Variants in PFN2 observed in about 807,000 individuals in gnomAD.
The protein encoded by PFN2 is profilin-2.
Under a neutral mutation model 15.3 loss-of-function variants are expected in PFN2, and 8 were observed. That is an observed-to-expected ratio of 0.52 (90% CI 0.31 to 0.95). PFN2 has a LOEUF of 0.95. PFN2 is among the 40% of genes least tolerant of loss of function. The pLI is 0.05. For synonymous variants in PFN2, 79 were observed against 67.9 expected (o/e 1.16, Z -0.81); for missense variants, 111 against 182.3 (o/e 0.61, Z 2.25).
At position 149,965,451 on chromosome 3, in the gene PFN2, C is replaced by G; in HGVS notation, c.*1038G>C. On this transcript the variant is annotated 3_prime_UTR_variant, in exon 3 of 3. Transcript: ENST00000239940. ...GAGCTATTGCAATGATGGAATGTCC[C>G]TGGGGATTCAATCAGTATGGTTACT... 6.9e-7 allele frequency: 1 copy of G among 1,440,006 alleles called. No individual in the cohort carries two copies. The highest frequency in any genetic ancestry group is 1.5e-5 in the South Asian group (1 of 65,684). 89.2% of individuals were successfully genotyped at this position (1,440,006 alleles called of 1,614,324 possible).
chr3:149,968,276 CTT>C, intron 2 of PFN2, 80 bp downstream of exon 2: 1 of 1,331,260 alleles, frequency 7.5e-7, no homozygotes. Flanking sequence ...TATGGACTAA[CTT>C]TTATTCAAAA....
chr3:149,965,104 AT>A lies in PFN2; in HGVS notation c.*1384del. On this transcript the variant is annotated 3_prime_UTR_variant, in exon 3 of 3. Coordinates refer to ENST00000239940, the MANE Select transcript of PFN2 (RefSeq NM_053024.4). ...CACAAGGCCCAAACAATAGAAGCAA[AT>A]ACTAGAATGTCCCTAAAGTAGTGCC... 1.4e-6 allele frequency: 1 copy of A among 737,428 alleles called. No homozygotes were observed. The highest frequency in any genetic ancestry group is 2.1e-6 in the Non-Finnish European group (1 of 473,906). 45.7% of individuals were successfully genotyped at this position (737,428 alleles called of 1,614,324 possible).
chr3:149,966,262 A>G lies in PFN2; in HGVS notation c.*227T>C, dbSNP rs771445415. 1.2e-6 allele frequency: 2 copies of G among 1,612,890 alleles called. No individual in the cohort carries two copies. The highest frequency in any genetic ancestry group is 2.7e-5 in the African/African-American group (2 of 74,812). ...CCTTCCTTTCCCATGACTATAACCA[A>G]TGCTGGAGTACACAAGGAAACAAAA... is the stretch of plus-strand genomic sequence containing the variant. On this transcript the variant is annotated 3_prime_UTR_variant, in exon 3 of 3. Transcript: ENST00000239940.
In PFN2 at chr3:149,970,873, CT is replaced by C. The variant is rs1235676658; in HGVS notation, c.-18del. ...ACCGGCCATCTTCGAGCCCTTCGCA[CT>C]GCAGCGCGGACGGCGAGGAGCAGCA... On this transcript the variant is annotated 5_prime_UTR_variant, in exon 1 of 3. Coordinates refer to ENST00000239940, the MANE Select transcript of PFN2 (RefSeq NM_053024.4). 12 of 1,351,094 alleles carry C rather than the reference CT, an allele frequency of 8.9e-6. No individual in the cohort carries two copies. The highest frequency in any genetic ancestry group is 1.1e-5 in the Non-Finnish European group (11 of 1,033,244). The allele number at this position is 1,351,094 out of a possible 1,614,324, so 83.7% of individuals were successfully genotyped here.
At chr3:149,969,515 T>C (rs547116330) in intron 1 of PFN2, among the ~76,000 whole-genome samples, 28 of 152,288 alleles carry the variant, frequency 1.8e-4, no homozygotes, top group Middle Eastern at 3.4e-3. Flanking sequence ...CCTACAAGAA[T>C]TGTAGTCCAC....
In PFN2 at chr3:149,965,460, C is replaced by A; in HGVS notation, c.*1029G>T. On this transcript the variant is annotated 3_prime_UTR_variant, in exon 3 of 3. Coordinates refer to ENST00000239940, the MANE Select transcript of PFN2 (RefSeq NM_053024.4). ...CAATGATGGAATGTCCCTGGGGATTCAATCAGTATGGTTACTGTAAGGTCA... is the reference window on the plus strand; with the variant it reads ...CAATGATGGAATGTCCCTGGGGATTAAATCAGTATGGTTACTGTAAGGTCA... 1 of 1,437,036 alleles carries A rather than the reference C, an allele frequency of 7.0e-7. No homozygotes were observed. The highest frequency in any genetic ancestry group is 9.1e-7 in the Non-Finnish European group (1 of 1,103,558). The allele number at this position is 1,437,036 out of a possible 1,614,324, so 89.0% of individuals were successfully genotyped here. A position where few individuals can be genotyped will look rare whatever the true frequency, so the allele number is the denominator to read the frequency against.
At position 149,966,579 on chromosome 3, in the gene PFN2, G is replaced by A. The variant is rs768149674; in HGVS notation, c.333C>T (p.Val111=). The part of the protein sequence containing the change: ...VAVGRAGRVL[V]FVMGKEGVHG... ...GGACCCCTTCTTTTCCCATTACAAA[G>A]ACCAAGACTGAAAGAGAAAGAAGAA... Residue 111 remains valine, a synonymous_variant, in exon 3 of 3, where the codon GTC becomes GTT. Transcript: ENST00000239940. 1 of 1,608,904 alleles carries A rather than the reference G, an allele frequency of 6.2e-7. No homozygotes were observed. Among genetic ancestry groups the A allele is most frequent in the Non-Finnish European group, 8.5e-7 (1 of 1,175,902 alleles).
rs1722750699 is a variant in PFN2, at chr3:149,968,413, T to G, written c.270A>C (p.Thr90=). 6.2e-7 allele frequency: 1 copy of G among 1,614,194 alleles called. No homozygotes were observed. Among genetic ancestry groups the G allele is most frequent in the South Asian group, 1.1e-5 (1 of 91,086 alleles). Residue 90 remains threonine, a synonymous_variant, in exon 2 of 3, where the codon ACA becomes ACC. Coordinates refer to ENST00000239940, the MANE Select transcript of PFN2 (RefSeq NM_053024.4). ...ATGTTGGCTCCCCACCTTGACTCTT[T>G]GTCCGGATGTCCATTGTGCAGTCAC... is the stretch of plus-strand genomic sequence containing the variant. The part of the protein sequence containing the change: ...VDGDCTMDIR[T]KSQGGEPTYN...
intron 1 of PFN2, 55 bp from the exon 2 acceptor site, chr3:149,968,605 A>C: frequency 6.7e-7 from 1 of 1,496,450 alleles, no homozygotes; most frequent in Non-Finnish European, 9.1e-7. Context: ...GTTGTAGTTA[A>C]CTCCTTTTAG....
In PFN2 at chr3:149,968,559, C is replaced by A. The variant is rs760173810; in HGVS notation, c.133-9G>T. The A allele has an allele frequency of 1.2e-5, 18 of 1,477,924 alleles. No homozygotes were observed. The highest frequency in any genetic ancestry group is 7.2e-5 in the Admixed American group (3 of 41,882). The allele number at this position is 1,477,924 out of a possible 1,614,324, so 91.6% of individuals were successfully genotyped here. On this transcript the variant is annotated splice_polypyrimidine_tract_variant and intron_variant, in intron 1 of 2. Transcript: ENST00000239940. ...ATATCTATTTCTATTGGCTGCCCCC[C>A]ACCAAAAAGAAAAAAAAAAAACACA... is the stretch of plus-strand genomic sequence containing the variant.
In PFN2 at chr3:149,968,212, A is replaced by G. The variant is rs903299788; in HGVS notation, c.325+146T>C. 2.2e-4 allele frequency: 144 copies of G among 661,430 alleles called. 1 individual carries two copies. Among genetic ancestry groups the G allele is most frequent in the Non-Finnish European group, 4.5e-5 (17 of 380,176 alleles). The allele number at this position is 661,430 out of a possible 1,614,324, so 41.0% of individuals were successfully genotyped here. ...GATGCTGTAGAGTAGGTAAAACTAAAGCAGTGCTTCTCCATAGTGCTGGGC... is the reference window on the plus strand; with the variant it reads ...GATGCTGTAGAGTAGGTAAAACTAAGGCAGTGCTTCTCCATAGTGCTGGGC... On this transcript the variant is annotated intron_variant, in intron 2 of 2. Coordinates refer to ENST00000239940, the MANE Select transcript of PFN2 (RefSeq NM_053024.4).
chr3:149,968,750 G>T, intron 1 of PFN2, 200 bp from the exon 2 acceptor site: 1 of 535,474 alleles, frequency 1.9e-6, no homozygotes, highest in Non-Finnish European at 3.3e-6. Context: ...TATTTTACAT[G>T]AGTTGATTTG....
rs1722680337 is a variant in PFN2, at chr3:149,966,020, C to T, written c.*469G>A. Reference sequence around the variant, plus strand: ...AGGGTTGGTTACATACAGTGGTTAACATACAAATGATCCATTGGGCAAACA... The same window carrying T: ...AGGGTTGGTTACATACAGTGGTTAATATACAAATGATCCATTGGGCAAACA... On this transcript the variant is annotated 3_prime_UTR_variant, in exon 3 of 3. Coordinates refer to ENST00000239940, the MANE Select transcript of PFN2 (RefSeq NM_053024.4). 1.4e-5 allele frequency: 20 copies of T among 1,472,244 alleles called. No homozygotes were observed. Among genetic ancestry groups the T allele is most frequent in the Middle Eastern group, 2.1e-4 (1 of 4,790 alleles). 91.2% of individuals were successfully genotyped at this position (1,472,244 alleles called of 1,614,324 possible).
At position 149,970,883 on chromosome 3, in the gene PFN2, G is replaced by T. The variant is rs1194099669; in HGVS notation, c.-27C>A. ...TTCGAGCCCTTCGCACTGCAGCGCGGACGGCGAGGAGCAGCAGGCGCAGCG... is the reference window on the plus strand; with the variant it reads ...TTCGAGCCCTTCGCACTGCAGCGCGTACGGCGAGGAGCAGCAGGCGCAGCG... On this transcript the variant is annotated 5_prime_UTR_variant, in exon 1 of 3. Coordinates refer to ENST00000239940, the MANE Select transcript of PFN2 (RefSeq NM_053024.4). 1 of 1,329,372 alleles carries T rather than the reference G, an allele frequency of 7.5e-7. No homozygotes were observed. The highest frequency in any genetic ancestry group is 3.4e-5 in the East Asian group (1 of 29,606). The allele number at this position is 1,329,372 out of a possible 1,614,324, so 82.3% of individuals were successfully genotyped here. A position where few individuals can be genotyped will look rare whatever the true frequency, so the allele number is the denominator to read the frequency against.
intron 2 of PFN2, among the ~76,000 whole-genome samples, chr3:149,967,592 C>T (rs756942533): frequency 3.3e-5 from 5 of 151,926 alleles, no homozygotes; most frequent in Non-Finnish European, 4.4e-5. Context: ...GAAGCACTCT[C>T]TATTTACAAA....
At position 149,965,069 on chromosome 3, in the gene PFN2, GTACAT is replaced by G. The variant is rs1380073229; in HGVS notation, c.*1415_*1419del. On this transcript the variant is annotated 3_prime_UTR_variant, in exon 3 of 3. Transcript: ENST00000239940. ...AGCAACAAGATTTGTTTTTAAATCT[GTACAT>G]TATCCACAAGGCCCAAACAATAGAA... The G allele has an allele frequency of 2.8e-5, 17 of 603,326 alleles. No homozygotes were observed. The highest frequency in any genetic ancestry group is 3.7e-5 in the African/African-American group (2 of 53,556). 37.4% of individuals were successfully genotyped at this position (603,326 alleles called of 1,614,324 possible).
chr3:149,970,741 A>G lies in PFN2; in HGVS notation c.116T>C (p.Val39Ala). The change falls in exon 1 of 3, where the codon GTC (valine) becomes GCC (alanine). Residue 39 changes from valine to alanine, a missense_variant. Physicochemically the swap from Val to Ala is moderately conservative, Grantham distance 64. This residue lies in a region of PFN2 where 64 missense variants were observed against 69.7 expected (regional missense o/e 0.92). Coordinates refer to ENST00000239940, the MANE Select transcript of PFN2 (RefSeq NM_053024.4). ...KYVWAATAGG[V>A]FQSITPIEID... The stretch of plus-strand genomic sequence containing the variant: ...GGTCCTCACCGTAATGCTCTGAAAG[A>G]CGCCCCCGGCCGTGGCTGCCCAGAC... 1 of 1,520,618 alleles carries G rather than the reference A, an allele frequency of 6.6e-7. No homozygotes were observed. Among genetic ancestry groups the G allele is most frequent in the Non-Finnish European group, 8.8e-7 (1 of 1,130,832 alleles). 94.2% of individuals were successfully genotyped at this position (1,520,618 alleles called of 1,614,324 possible).
intron 2 of PFN2, 29 bp from the exon 3 acceptor site, chr3:149,966,615 AAAG>A: frequency 6.6e-7 from 1 of 1,516,172 alleles, no homozygotes. Flanking sequence ...AAGTGTTTCA[AAAG>A]AAGTGTTAAT....
intron 1 of PFN2, chr3:149,970,448 C>T (rs1473700109): frequency 2.2e-5 from 6 of 272,396 alleles, no homozygotes; most frequent in Non-Finnish European, 4.1e-5. Context: ...TCCCCCAACC[C>T]GGGCACCTGG....
Sources: gnomAD v4.1 joint callset for allele counts (sites outside exome capture counted in the v4.1 genomes callset) on GRCh38, gnomAD v4.1.1 for gene constraint, gnomAD v4.1.1 regional missense constraint, MANE v1.5 for transcripts, NCBI Gene and HGNC (gene_info 2026-07-23, HGNC 2026-07-21) for gene names.